The following ABCA4 variants were observed in gnomAD, a reference collection of about 807,000 sequenced individuals.
The protein encoded by ABCA4 is ATP binding cassette subfamily A member 4, also known as retinal-specific phospholipid-transporting ATPase ABCA4.
Under a neutral mutation model 263.7 loss-of-function variants are expected in ABCA4, and 196 were observed. The observed-to-expected ratio is 0.74, with a 90% confidence interval of 0.66 to 0.84. ABCA4 has a LOEUF of 0.84. Among genes scored for constraint, ABCA4 ranks in the 40% least tolerant of loss-of-function variants. ABCA4 has a pLI of 0.00. For synonymous variants in ABCA4, 1,133 were observed against 1,094.2 expected, an observed-to-expected ratio of 1.04 and a Z score of -0.70; for missense variants, 2,792 against 2,855.1, an observed-to-expected ratio of 0.98 and a Z score of 0.50.
At chr1:94,116,775 T>A (rs1662775680) in intron 1 of ABCA4, among the ~76,000 whole-genome samples, 1 of 152,136 alleles carries the variant, frequency 6.6e-6, no homozygotes. Context: ...ACAGTATAAT[T>A]AAAAACATGT....
chr1:94,109,245 G>A (rs1354016809), intron 3 of ABCA4, among the ~76,000 whole-genome samples: 5 of 152,184 alleles, frequency 3.3e-5, no homozygotes, highest in East Asian at 3.9e-4. Flanking sequence ...GGGTCTGCTC[G>A]CCTCTCGGTC....
intron 6 of ABCA4, among the ~76,000 whole-genome samples, chr1:94,098,356 C>T (rs924387202): frequency 3.3e-5 from 5 of 152,112 alleles, no homozygotes; most frequent in Admixed American, 6.5e-5. Flanking sequence ...AAATGTTTTG[C>T]GTATACTTTT....
At position 94,001,905 on chromosome 1, in the gene ABCA4, G is replaced by A. The variant is rs753921905; in HGVS notation, c.6235C>T (p.Leu2079Phe). The change falls in exon 45 of 50, where the codon CTC (leucine) becomes TTC (phenylalanine). Residue 2079 changes from leucine (L) to phenylalanine (F), a missense_variant. Coordinates refer to ENST00000370225, the MANE Select transcript of ABCA4 (RefSeq NM_000350.3). ...GTYSGGNKRK[L>F]STAIALIGCP... ...CCAATGAGTGCGATGGCTGTGGAGA[G>A]TTTCCGCTTGTTGCCCCCACTGTAC... 6.2e-7 allele frequency: 1 copy of A among 1,614,234 alleles called. No homozygotes were observed. The highest frequency in any genetic ancestry group is 8.5e-7 in the Non-Finnish European group (1 of 1,180,044).
chr1:94,104,214 G>A (rs887851244), intron 4 of ABCA4, among the ~76,000 whole-genome samples: 1 of 152,214 alleles, frequency 6.6e-6, no homozygotes, highest in Non-Finnish European at 1.5e-5. Flanking sequence ...GCTCTGGCCA[G>A]AGAAGAGCCT....
Position 94,100,552 on chromosome 1 carries a change from G to A in ABCA4, c.571-1561C>T, listed in dbSNP as rs538200493. Among the ~76,000 whole-genome samples, 15 of 152,256 alleles carry A rather than the reference G, an allele frequency of 9.9e-5. No individual in the cohort carries two copies. The East Asian group carries it at 2.9e-3, about 29-fold the overall frequency. ...AGAGGGAGAAGGCAGGACAAAGAAG[G>A]GTGGGTTTATAAATTATTTCACTGA... On this transcript the variant is annotated intron_variant, in intron 5 of 49. Transcript: ENST00000370225.
chr1:94,022,739 C>T (rs920881261), intron 32 of ABCA4, among the ~76,000 whole-genome samples: 2 of 152,192 alleles, frequency 1.3e-5, no homozygotes, highest in Non-Finnish European at 2.9e-5. Flanking sequence ...TTTCTCAGGG[C>T]CTTGAATCAC....
chr1:93,997,718 A>G (rs1468009913), intron 48 of ABCA4, 143 bp downstream of exon 48: 4 of 1,057,692 alleles, frequency 3.8e-6, no homozygotes, highest in African/African-American at 3.2e-5. Flanking sequence ...TTTCTGATAT[A>G]TCAGCTTTTA....
intron 6 of ABCA4, among the ~76,000 whole-genome samples, chr1:94,097,809 G>A (rs539456048): frequency 9.2e-5 from 14 of 152,308 alleles, no homozygotes; most frequent in African/African-American, 3.4e-4. Flanking sequence ...GAGTGCAGTG[G>A]CGCAATCTCG....
At chr1:94,045,999 C>T (rs992638544) in intron 19 of ABCA4, 4 of 453,728 alleles carry the variant, frequency 8.8e-6, no homozygotes, top group African/African-American at 8.0e-5. Flanking sequence ...TTTGCCTTCC[C>T]TGCCCTGACC....
Position 94,024,975 on chromosome 1 carries a change from T to G in ABCA4, c.4613A>C (p.Tyr1538Ser). 1.9e-6 allele frequency: 3 copies of G among 1,614,190 alleles called. No individual in the cohort carries two copies. Among genetic ancestry groups the G allele is most frequent in the Non-Finnish European group, 2.5e-6 (3 of 1,179,988 alleles). Residue 1538 changes from tyrosine to serine, a missense_variant, in exon 31 of 50, where the codon TAT (tyrosine) becomes TCT (serine). Transcript: ENST00000370225. The stretch of plus-strand genomic sequence containing the variant: ...TTACCTGCTTCTTATAAGAGCAGGA[T>G]ACGTTTTTACCAAGAAGTCGGAGAT... ...RNISDFLVKT[Y>S]PALIRSSLKS...
At chr1:94,078,442 G>A (rs1661594832) in intron 10 of ABCA4, 148 bp downstream of exon 10, 2 of 655,994 alleles carry the variant, frequency 3.0e-6, no homozygotes, top group Non-Finnish European at 5.4e-6. Flanking sequence ...GTGACTGCTT[G>A]GAATGAAGGC....
At chr1:94,059,831 A>C (rs563910286) in intron 14 of ABCA4, among the ~76,000 whole-genome samples, 18 of 152,354 alleles carry the variant, frequency 1.2e-4, no homozygotes, top group Admixed American at 1.2e-3. Context: ...GGAGGAGCTA[A>C]AAATGAAGGA....
intron 20 of ABCA4, 84 bp from the exon 21 acceptor site, chr1:94,043,559 G>A (rs1373016909): frequency 4.7e-5 from 73 of 1,563,278 alleles, no homozygotes; most frequent in Non-Finnish European, 6.3e-5. Context: ...TTGAGGACAA[G>A]TATTCTTGAT....
At position 94,103,021 on chromosome 1, in the gene ABCA4, T is replaced by G. The variant is rs1662326395; in HGVS notation, c.564A>C (p.Pro188=). The G allele has an allele frequency of 4.3e-6, 7 of 1,614,198 alleles. No individual in the cohort carries two copies. The highest frequency in any genetic ancestry group is 5.9e-6 in the Non-Finnish European group (7 of 1,180,018). ...VYLLINSQVR[P]EQFAHGVPDL... is the part of the protein sequence containing the mutation. ...GCCAGTGACATCCCCCTACCTGCTC[T>G]GGACGGACTTGAGAGTTGATCAGAA... is the stretch of plus-strand genomic sequence containing the variant. The change falls in exon 5 of 50, where the codon CCA becomes CCC. Residue 188 remains proline, a synonymous_variant. Transcript: ENST00000370225.
At position 94,042,876 on chromosome 1, in the gene ABCA4, C is replaced by G. The variant is rs141233353; in HGVS notation, c.3213G>C (p.Ser1071=). The G allele has an allele frequency of 6.2e-7, 1 of 1,614,188 alleles. No homozygotes were observed. Among genetic ancestry groups the G allele is most frequent in the Non-Finnish European group, 8.5e-7 (1 of 1,180,036 alleles). Residue 1071 remains serine, a synonymous_variant, in exon 22 of 50, where the codon TCG becomes TCC. Coordinates refer to ENST00000370225, the MANE Select transcript of ABCA4 (RefSeq NM_000350.3). Reference sequence around the variant, plus strand: ...CATCTCCCACAAAGGCAATGGCAACCGACAGCTTTCTCTGCATGCCACCTG... The same window carrying G: ...CATCTCCCACAAAGGCAATGGCAACGGACAGCTTTCTCTGCATGCCACCTG... ...DLSGGMQRKL[S]VAIAFVGDAK...
intron 26 of ABCA4, among the ~76,000 whole-genome samples, chr1:94,032,930 C>A (rs180910825): frequency 2.6e-5 from 4 of 152,274 alleles, no homozygotes; most frequent in Admixed American, 1.3e-4. Flanking sequence ...ATACATTCAC[C>A]TATTACCTGT....
intron 17 of ABCA4, 132 bp from the exon 18 acceptor site, chr1:94,049,089 G>A: frequency 2.5e-6 from 2 of 801,918 alleles, no homozygotes; most frequent in South Asian, 1.4e-5. Flanking sequence ...GGACTGTGAG[G>A]TACTCAAGCC....
At chr1:94,063,375 T>G (rs1661183068) in intron 11 of ABCA4, 58 bp from the exon 12 acceptor site, 23 of 1,511,644 alleles carry the variant, frequency 1.5e-5, no homozygotes, top group Non-Finnish European at 2.0e-5. Context: ...AAGACTCAAC[T>G]CTACACACAG....
intron 1 of ABCA4, 136 bp from the exon 2 acceptor site, chr1:94,113,202 G>A: frequency 1.2e-6 from 1 of 803,582 alleles, no homozygotes. Flanking sequence ...TACCTAAACA[G>A]TTTCCTTCCT....
Sources: allele counts gnomAD v4.1 joint callset (sites outside exome capture counted in the v4.1 genomes callset), GRCh38; gene constraint gnomAD v4.1.1; transcripts MANE v1.5; gene names NCBI Gene and HGNC (gene_info 2026-07-23, HGNC 2026-07-21).